Variants in LIPA observed in about 807,000 individuals in gnomAD.
LIPA encodes the protein lipase A, lysosomal acid type, also known as lysosomal acid lipase/cholesteryl ester hydrolase.
A neutral mutation model predicts 40.6 loss-of-function variants in LIPA; 26 were observed. The observed-to-expected ratio is 0.64, with a 90% CI of 0.47 to 0.89. The LOEUF is 0.89. Ranked by LOEUF, LIPA falls within the 40% of genes least tolerant of loss-of-function variation. The pLI, the probability that LIPA is intolerant of heterozygous loss-of-function variation, is 0.00. For missense variants in LIPA, 455 were observed against 479.6 expected (o/e 0.95, Z 0.48); for synonymous variants, 188 against 168.4 (o/e 1.12, Z -0.90).
intron 1 of LIPA, chr10:89,328,184 T>G: frequency 9.0e-7 from 1 of 1,113,720 alleles, no homozygotes. Context: ...TGTTTATAGA[T>G]TCAATATGTC....
At chr10:89,302,331 C>A (rs1383326543) in intron 1 of LIPA, among the ~76,000 whole-genome samples, 1 of 152,128 alleles carries the variant, frequency 6.6e-6, no homozygotes, top group Non-Finnish European at 1.5e-5. Flanking sequence ...TTCACACTGG[C>A]AAGCTTCCTA....
intron 1 of LIPA, among the ~76,000 whole-genome samples, chr10:89,272,311 A>C (rs1394677348): frequency 6.6e-6 from 1 of 151,350 alleles, no homozygotes. Context: ...ATGTGTTCTC[A>C]TCATTTAGCT....
intron 2 of LIPA, among the ~76,000 whole-genome samples, chr10:89,361,711 A>G (rs1277847233): frequency 1.3e-5 from 2 of 152,076 alleles, no homozygotes; most frequent in East Asian, 3.9e-4. Context: ...ATTTTTAACT[A>G]AGGCTTCACA....
chr10:89,247,710 T>C, intron 1 of LIPA, 61 bp from the exon 2 acceptor site: 2 of 1,239,598 alleles, frequency 1.6e-6, no homozygotes, highest in Non-Finnish European at 2.4e-6. Flanking sequence ...AATATTCTGG[T>C]AACTTAATGC....
intron 1 of LIPA, among the ~76,000 whole-genome samples, chr10:89,323,858 A>T (rs560638246): frequency 6.6e-6 from 1 of 152,360 alleles, no homozygotes; most frequent in Admixed American, 6.5e-5. Flanking sequence ...TACCCAAAGC[A>T]ATTTACAAAT....
intron 1 of LIPA, among the ~76,000 whole-genome samples, chr10:89,290,966 T>G (rs1159822539): frequency 3.3e-5 from 5 of 152,266 alleles, no homozygotes; most frequent in African/African-American, 1.2e-4. Flanking sequence ...TGGTTTCATC[T>G]TATCCTTTCA....
chr10:89,373,104 C>T (rs536024435), intron 2 of LIPA, among the ~76,000 whole-genome samples: 41 of 151,908 alleles, frequency 2.7e-4, no homozygotes, highest in Non-Finnish European at 5.0e-4. Context: ...GAGGCAGAGG[C>T]GGGCGGATCA....
At chr10:89,296,374 G>A (rs943454300) in intron 1 of LIPA, among the ~76,000 whole-genome samples, 2 of 151,460 alleles carry the variant, frequency 1.3e-5, no homozygotes, top group Non-Finnish European at 2.9e-5. Context: ...GGGCCAAGTA[G>A]CCAGCTACTT....
chr10:89,221,477 A>G (rs1842697355), intron 8 of LIPA, among the ~76,000 whole-genome samples: 2 of 152,240 alleles, frequency 1.3e-5, no homozygotes, highest in Admixed American at 1.3e-4. Context: ...TATAATTCCA[A>G]CTCTCATTAC....
chr10:89,373,334 C>CAAAAAAAAAAAAAAAAAAA (rs34479360), intron 2 of LIPA, among the ~76,000 whole-genome samples: 11 of 63,152 alleles, frequency 1.7e-4, no homozygotes, highest in African/African-American at 5.5e-4. Flanking sequence ...GACTCCCTCT[C>CAAAAAAAAAAAAAAAAAAA]AAAAAAAAAA....
intron 2 of LIPA, among the ~76,000 whole-genome samples, chr10:89,348,767 C>A (rs1432427514): frequency 6.6e-6 from 1 of 152,144 alleles, no homozygotes; most frequent in East Asian, 1.9e-4. Context: ...TGGAATTTCC[C>A]TTGAAGGAAC....
At chr10:89,302,580 T>C (rs1440281414) in intron 1 of LIPA, among the ~76,000 whole-genome samples, 1 of 152,196 alleles carries the variant, frequency 6.6e-6, no homozygotes, top group African/African-American at 2.4e-5. Context: ...ATACACAGAA[T>C]AGCAAACCCC....
Position 89,247,541 on chromosome 10 carries a change from A to AT in LIPA, c.107dup (p.Asn36LysfsTer4). 2 of 1,592,862 alleles carry AT rather than the reference A, an allele frequency of 1.3e-6. No individual in the cohort carries two copies. The highest frequency in any genetic ancestry group is 1.7e-6 in the Non-Finnish European group (2 of 1,160,620). On this transcript the variant is annotated frameshift_variant, in exon 2 of 10. Coordinates refer to ENST00000336233, the MANE Select transcript of LIPA (RefSeq NM_000235.4). LOFTEE classifies it high-confidence loss of function. ...TACATAACTTTGAGAAACTTACCACATTCATGTTTGTTTCAGGATCCACAG... is the reference window on the plus strand; with the variant it reads ...TACATAACTTTGAGAAACTTACCACATTTCATGTTTGTTTCAGGATCCACAG...
intron 1 of LIPA, among the ~76,000 whole-genome samples, chr10:89,341,564 C>T (rs1843870824): frequency 6.6e-6 from 1 of 152,184 alleles, no homozygotes; most frequent in Non-Finnish European, 1.5e-5. Context: ...CATTTGAACA[C>T]TTTCCTTTTA....
rs1305306961 is a variant in LIPA at position 89,213,699 on chromosome 10, T to C, written c.*1129A>G. 1 of 152,240 alleles carries C rather than the reference T, an allele frequency of 6.6e-6. No individual in the cohort carries two copies. Among genetic ancestry groups the C allele is most frequent in the African/African-American group, 2.4e-5 (1 of 41,458 alleles). The allele number at this position is 152,240 out of a possible 1,614,324, so 9.4% of individuals were successfully genotyped here. The stretch of plus-strand genomic sequence containing the variant: ...ACTGTTAGTGCAGCTAAAGTAATTA[T>C]ATCAGAAAAACATATCAATTGTCAT... On this transcript the variant is annotated 3_prime_UTR_variant, in exon 10 of 10. Coordinates refer to ENST00000336233, the MANE Select transcript of LIPA (RefSeq NM_000235.4).
chr10:89,333,995 CAACT>C (rs1029205916), intron 1 of LIPA, among the ~76,000 whole-genome samples: 27 of 152,338 alleles, frequency 1.8e-4, no homozygotes, highest in African/African-American at 5.8e-4. Context: ...TCTGACCAAC[CAACT>C]GAGCACAGGT....
chr10:89,227,091 A>C (rs556376809), intron 4 of LIPA, 87 bp from the exon 5 acceptor site: 2 of 857,028 alleles, frequency 2.3e-6, no homozygotes. Context: ...ATGAGTTATC[A>C]CAAACTAAAC....
chr10:89,237,629 G>A (rs1334953287), intron 3 of LIPA, among the ~76,000 whole-genome samples: 2 of 152,178 alleles, frequency 1.3e-5, no homozygotes, highest in Non-Finnish European at 2.9e-5. Flanking sequence ...GAGCCTTAAA[G>A]GGAAAATATA....
intron 1 of LIPA, among the ~76,000 whole-genome samples, chr10:89,333,513 G>C (rs754375088): frequency 3.3e-5 from 5 of 152,056 alleles, no homozygotes; most frequent in Admixed American, 3.3e-4. Context: ...AGGCAGGAGG[G>C]GGGAGGGGTG....
Sources: gnomAD v4.1 joint callset for allele counts (sites outside exome capture counted in the v4.1 genomes callset) on GRCh38, gnomAD v4.1.1 for gene constraint, MANE v1.5 for transcripts, NCBI Gene and HGNC (gene_info 2026-07-23, HGNC 2026-07-21) for gene names.